Variants in LRRC4C observed in about 807,000 individuals in gnomAD.
LRRC4C encodes the protein leucine-rich repeat-containing protein 4C.
In LRRC4C, 5 loss-of-function variants were observed where a neutral mutation model predicts 33.6. The ratio of observed to expected loss-of-function variants is 0.15; its 90% confidence interval spans 0.08 to 0.31. The LOEUF (loss-of-function observed/expected upper bound fraction) is 0.31. LRRC4C is among the 10% of genes least tolerant of loss of function. LRRC4C has a pLI of 1.00. For synonymous variants in LRRC4C, 329 were observed against 302.0 expected, an observed-to-expected ratio of 1.09 and a Z score of -0.93; for missense variants, 560 against 796.7, an observed-to-expected ratio of 0.70 and a Z score of 3.58.
chr11:41,243,862 G>A (rs1439049042), intron 1 of LRRC4C, among the ~76,000 whole-genome samples: 2 of 152,106 alleles, frequency 1.3e-5, no homozygotes, highest in Non-Finnish European at 2.9e-5. Context: ...GTACTATGAA[G>A]TAGGCATGAA....
intron 1 of LRRC4C, among the ~76,000 whole-genome samples, chr11:41,008,570 G>T (rs1390821101): frequency 6.6e-6 from 1 of 152,078 alleles, no homozygotes; most frequent in Non-Finnish European, 1.5e-5. Context: ...TCTCAGGTTG[G>T]CCCACCATGT....
At chr11:40,862,385 T>C (rs1954147549) in intron 2 of LRRC4C, among the ~76,000 whole-genome samples, 1 of 152,198 alleles carries the variant, frequency 6.6e-6, no homozygotes, top group Non-Finnish European at 1.5e-5. Flanking sequence ...CTGAATGGCA[T>C]GTGCTATTTG....
intron 2 of LRRC4C, among the ~76,000 whole-genome samples, chr11:40,678,841 T>C (rs1944539037): frequency 6.6e-6 from 1 of 152,182 alleles, no homozygotes; most frequent in South Asian, 2.1e-4. Flanking sequence ...GAGAACGGGA[T>C]AATACAGTTA....
intron 5 of LRRC4C, among the ~76,000 whole-genome samples, chr11:40,240,243 G>T (rs1327544080): frequency 6.6e-6 from 1 of 152,142 alleles, no homozygotes; most frequent in African/African-American, 2.4e-5. Flanking sequence ...TTTCTCCAGT[G>T]TATAGAATGT....
At chr11:40,651,269 G>A (rs1169611509) in intron 2 of LRRC4C, among the ~76,000 whole-genome samples, 1 of 152,060 alleles carries the variant, frequency 6.6e-6, no homozygotes, top group Non-Finnish European at 1.5e-5. Flanking sequence ...CTAGAGGGAA[G>A]TGTCTTAACA....
At chr11:40,840,942 T>G (rs1410847237) in intron 2 of LRRC4C, among the ~76,000 whole-genome samples, 1 of 152,188 alleles carries the variant, frequency 6.6e-6, no homozygotes, top group Non-Finnish European at 1.5e-5. Flanking sequence ...ATTATTAGAA[T>G]TGATAAACAA....
chr11:40,451,361 A>G (rs1951874564), intron 3 of LRRC4C, among the ~76,000 whole-genome samples: 1 of 132,928 alleles, frequency 7.5e-6, no homozygotes, highest in African/African-American at 2.8e-5. Context: ...TTACAGAAAT[A>G]ATGACTTTTT....
chr11:41,263,572 G>A (rs1189393288), intron 1 of LRRC4C, among the ~76,000 whole-genome samples: 1 of 152,108 alleles, frequency 6.6e-6, no homozygotes, highest in Non-Finnish European at 1.5e-5. Flanking sequence ...AAACAAGTAA[G>A]GTTTATACAG....
chr11:40,835,176 CT>C, intron 2 of LRRC4C, among the ~76,000 whole-genome samples: 1 of 152,142 alleles, frequency 6.6e-6, no homozygotes, highest in East Asian at 1.9e-4. Flanking sequence ...TATAAAAGTG[CT>C]TCTCAAAGCA....
intron 1 of LRRC4C, among the ~76,000 whole-genome samples, chr11:41,330,489 T>G (rs925389571): frequency 1.3e-5 from 2 of 152,152 alleles, no homozygotes; most frequent in African/African-American, 4.8e-5. Context: ...ATCATGACAT[T>G]AGATGCCGTC....
chr11:40,417,439 C>G (rs1436754045), intron 3 of LRRC4C, among the ~76,000 whole-genome samples: 4 of 152,012 alleles, frequency 2.6e-5, no homozygotes, highest in African/African-American at 4.8e-5. Flanking sequence ...ATAAGTGATT[C>G]TCCTGCCTCA....
chr11:40,731,284 A>G (rs1947570971), intron 2 of LRRC4C, among the ~76,000 whole-genome samples: 1 of 152,044 alleles, frequency 6.6e-6, no homozygotes, highest in African/African-American at 2.4e-5. Flanking sequence ...ACGCCACTGC[A>G]CTCCAGCCTG....
At chr11:40,165,225 T>C (rs576054551) in intron 5 of LRRC4C, among the ~76,000 whole-genome samples, 4 of 152,344 alleles carry the variant, frequency 2.6e-5, no homozygotes, top group Non-Finnish European at 5.9e-5. Context: ...TGTATACACA[T>C]ATATGTATAT....
chr11:41,458,931 GCAGATATAAC>G (rs1022925604), intron 1 of LRRC4C, among the ~76,000 whole-genome samples: 88 of 152,036 alleles, frequency 5.8e-4, no homozygotes, highest in African/African-American at 2.1e-3. Flanking sequence ...ACTCTCTAGA[GCAGATATAAC>G]TATTCAAGAA....
intron 1 of LRRC4C, among the ~76,000 whole-genome samples, chr11:41,258,312 G>A (rs1948867837): frequency 1.3e-5 from 2 of 151,896 alleles, no homozygotes; most frequent in East Asian, 1.9e-4. Flanking sequence ...ATATCTTCAA[G>A]GGAAGAAGAC....
intron 2 of LRRC4C, among the ~76,000 whole-genome samples, chr11:40,750,641 T>C (rs10837496): frequency 0.67 from 86,158 of 128,074 alleles, 28,884 homozygotes; most frequent in Middle Eastern, 0.71. Flanking sequence ...ACATCACACA[T>C]CGGGACTGTT....
At chr11:40,933,524 A>G (rs12806484) in intron 2 of LRRC4C, 111 bp downstream of exon 2, 1 of 151,286 alleles carries the variant, frequency 6.6e-6, no homozygotes, top group Non-Finnish European at 1.5e-5. Context: ...TTATTTGGCC[A>G]CTCTCTCATT....
intron 2 of LRRC4C, among the ~76,000 whole-genome samples, chr11:40,874,379 A>G (rs1954786503): frequency 6.6e-6 from 1 of 152,132 alleles, no homozygotes; most frequent in Admixed American, 6.5e-5. Flanking sequence ...GCAAGAAAAG[A>G]TTATTCTCTG....
intron 2 of LRRC4C, among the ~76,000 whole-genome samples, chr11:40,857,874 C>T (rs941661938): frequency 6.6e-6 from 1 of 151,438 alleles, no homozygotes; most frequent in Non-Finnish European, 1.5e-5. Flanking sequence ...ATGATTGTGC[C>T]ACAGCACTCC....
Sources: allele counts gnomAD v4.1 joint callset (sites outside exome capture counted in the v4.1 genomes callset), GRCh38; gene constraint gnomAD v4.1.1; transcripts MANE v1.5; gene names NCBI Gene and HGNC (gene_info 2026-07-23, HGNC 2026-07-21).